KCND3: variants seen among roughly 807,000 people sequenced by gnomAD.
The protein encoded by KCND3 is A-type voltage-gated potassium channel KCND3.
Under a neutral mutation model 51.1 loss-of-function variants are expected in KCND3, and 9 were observed. The ratio of observed to expected loss-of-function variants is 0.18; its 90% CI spans 0.11 to 0.31. The LOEUF (loss-of-function observed/expected upper bound fraction) is 0.31, where lower values mean the gene tolerates loss of function less well. Ranked by LOEUF, KCND3 falls within the 10% of genes least tolerant of loss-of-function variation. KCND3 has a pLI of 1.00. For missense variants in KCND3, 526 were observed against 903.8 expected (o/e 0.58, Z 5.36); for synonymous variants, 349 against 368.0 (o/e 0.95, Z 0.59).
At chr1:111,783,199 C>CAAAAAAAAAAA (rs67241053) in intron 3 of KCND3, among the ~76,000 whole-genome samples, 3 of 72,332 alleles carry the variant, frequency 4.1e-5, no homozygotes, top group Non-Finnish European at 5.9e-5. Context: ...AATTCAAAGA[C>CAAAAAAAAAAA]AAAAAAAAAA....
chr1:111,871,880 AAAGTGTTAGG>A (rs1384427645), intron 2 of KCND3, among the ~76,000 whole-genome samples: 1 of 152,130 alleles, frequency 6.6e-6, no homozygotes, highest in Non-Finnish European at 1.5e-5. Flanking sequence ...AAAGAAGGGT[AAAGTGTTAGG>A]AAGTGGGGAG....
chr1:111,868,551 G>A (rs1668687250), intron 2 of KCND3, among the ~76,000 whole-genome samples: 1 of 152,110 alleles, frequency 6.6e-6, no homozygotes, highest in Non-Finnish European at 1.5e-5. Context: ...TCCCCCATGG[G>A]CATGGGGGGG....
At chr1:111,847,890 T>C (rs536587671) in intron 2 of KCND3, among the ~76,000 whole-genome samples, 11 of 152,330 alleles carry the variant, frequency 7.2e-5, no homozygotes, top group African/African-American at 2.6e-4. Context: ...TCACATCATT[T>C]GCCCCAGGTT....
intron 2 of KCND3, among the ~76,000 whole-genome samples, chr1:111,953,209 G>A (rs1673143459): frequency 6.6e-6 from 1 of 152,136 alleles, no homozygotes; most frequent in African/African-American, 2.4e-5. Context: ...CACCACACAG[G>A]ATCCCAGCTG....
At chr1:111,852,577 CCAGA>C (rs1031484752) in intron 2 of KCND3, among the ~76,000 whole-genome samples, 3 of 152,140 alleles carry the variant, frequency 2.0e-5, no homozygotes, top group African/African-American at 4.8e-5. Context: ...AATCCATAAT[CCAGA>C]CAGAGGGGAG....
At chr1:111,983,015 C>T (rs1490298584) in intron 1 of KCND3, among the ~76,000 whole-genome samples, 2 of 152,116 alleles carry the variant, frequency 1.3e-5, no homozygotes, top group African/African-American at 4.8e-5. Flanking sequence ...GGTGGGATCG[C>T]CAGATGTTGC....
chr1:111,879,108 G>A (rs1458375794), intron 2 of KCND3, among the ~76,000 whole-genome samples: 2 of 152,152 alleles, frequency 1.3e-5, no homozygotes, highest in African/African-American at 4.8e-5. Context: ...GCTGGCTTCT[G>A]TACTGGAACT....
At chr1:111,965,068 C>T (rs573818021) in intron 2 of KCND3, among the ~76,000 whole-genome samples, 1 of 151,508 alleles carries the variant, frequency 6.6e-6, no homozygotes, top group African/African-American at 2.4e-5. Flanking sequence ...TGCACCCCCC[C>T]AAACTGCCCC....
chr1:111,858,720 C>T (rs1276633183), intron 2 of KCND3, among the ~76,000 whole-genome samples: 1 of 152,140 alleles, frequency 6.6e-6, no homozygotes, highest in African/African-American at 2.4e-5. Flanking sequence ...CCCTCAGTCC[C>T]AGGCAAAATG....
chr1:111,981,517 G>T lies in KCND3; in HGVS notation c.1106+104C>A. On this transcript the variant is annotated intron_variant, in intron 2 of 7. Transcript: ENST00000302127. This position sits in a 1 kb window ranked among gnomAD's most constrained non-coding sequence, Gnocchi z 6.2. ...CCCCTGCCCCCAACACTTGGGTAAG[G>T]GACTCCCTCCTCCTCTACCCATGGT... The T allele has an allele frequency of 6.5e-7, 1 of 1,537,414 alleles. No homozygotes were observed. Among genetic ancestry groups the T allele is most frequent in the South Asian group, 1.1e-5 (1 of 88,254 alleles).
chr1:111,940,829 T>A (rs1046217256), intron 2 of KCND3, among the ~76,000 whole-genome samples: 1 of 152,196 alleles, frequency 6.6e-6, no homozygotes, highest in African/African-American at 2.4e-5. Context: ...TCACATTTTT[T>A]AATCTCTCCC....
intron 2 of KCND3, among the ~76,000 whole-genome samples, chr1:111,859,380 G>A (rs943617608): frequency 6.6e-6 from 1 of 152,216 alleles, no homozygotes; most frequent in African/African-American, 2.4e-5. Flanking sequence ...GACTGGCATC[G>A]CGGGAAAGGA....
At chr1:111,924,628 G>T (rs1359252081) in intron 2 of KCND3, among the ~76,000 whole-genome samples, 3 of 152,196 alleles carry the variant, frequency 2.0e-5, no homozygotes, top group African/African-American at 4.8e-5. Flanking sequence ...TTGTCAGCCT[G>T]AAGGGCCAGG....
chr1:111,982,606 G>A lies in KCND3; in HGVS notation c.121C>T (p.Leu41=). 1.2e-6 allele frequency: 2 copies of A among 1,613,904 alleles called. No individual in the cohort carries two copies. The highest frequency in any genetic ancestry group is 3.3e-4 in the Middle Eastern group (2 of 6,060). ...CGCCCACTCACGTTGAGGACAATCA[G>A]CTCATCCTGCCGCTTGTTCTTGTCG... The part of the protein sequence containing the change: ...PADKNKRQDE[L]IVLNVSGRRF... The change falls in exon 2 of 8, where the codon CTG becomes TTG. Residue 41 remains leucine, a synonymous_variant. Transcript: ENST00000302127. The surrounding 1 kb of genome is among the most constrained non-coding windows in gnomAD (Gnocchi z 8.5).
chr1:111,786,595 G>C (rs1664613337), intron 3 of KCND3, among the ~76,000 whole-genome samples: 1 of 152,208 alleles, frequency 6.6e-6, no homozygotes, highest in Non-Finnish European at 1.5e-5. Context: ...ATATTAAAAA[G>C]AGATTATGTT....
At position 111,780,966 on chromosome 1, in the gene KCND3, G is replaced by A. The variant is rs1332051292; in HGVS notation, c.1270-175C>T. Reference sequence around the variant, plus strand: ...TACCCACTTTGTATAGCTTGGTTGGGTCAGAATTCCCAGGAGTCTCCACTC... The same window carrying A: ...TACCCACTTTGTATAGCTTGGTTGGATCAGAATTCCCAGGAGTCTCCACTC... On this transcript the variant is annotated intron_variant, in intron 3 of 7. Transcript: ENST00000302127. The surrounding 1 kb of genome is among the most constrained non-coding windows in gnomAD (Gnocchi z 4.2). 1.3e-5 allele frequency among the ~76,000 whole-genome samples: 2 copies of A among 152,128 alleles called. No homozygotes were observed. The highest frequency in any genetic ancestry group is 2.9e-5 in the Non-Finnish European group (2 of 68,024).
intron 2 of KCND3, among the ~76,000 whole-genome samples, chr1:111,944,151 A>T (rs1338032424): frequency 1.3e-5 from 2 of 152,164 alleles, no homozygotes; most frequent in Non-Finnish European, 2.9e-5. Context: ...GGGGGTGAGA[A>T]GGGGTGGATT....
chr1:111,865,535 T>C lies in KCND3; in HGVS notation c.1107-78429A>G, dbSNP rs1668517520. The stretch of plus-strand genomic sequence containing the variant: ...TAACAGGGGTCAGGGTCCTGGGAAG[T>C]TTTTTGTGTTTCTATAAATTATTAT... On this transcript the variant is annotated intron_variant, in intron 2 of 7. Transcript: ENST00000302127. Among the ~76,000 whole-genome samples the C allele has an allele frequency of 2.6e-5, 4 of 152,084 alleles. 1 individual carries two copies. The South Asian group carries it at 8.3e-4, about 32-fold the overall frequency.
chr1:111,969,685 T>C (rs1674215634), intron 2 of KCND3, among the ~76,000 whole-genome samples: 1 of 152,232 alleles, frequency 6.6e-6, no homozygotes, highest in African/African-American at 2.4e-5. Context: ...ATAATGACAG[T>C]CATCTCACAT....
Sources: allele counts gnomAD v4.1 joint callset (sites outside exome capture counted in the v4.1 genomes callset), GRCh38; gene constraint gnomAD v4.1.1; non-coding constraint Gnocchi (gnomAD v3.1); transcripts MANE v1.5; gene names NCBI Gene and HGNC (gene_info 2026-07-23, HGNC 2026-07-21).